MOCOS: variants seen among roughly 807,000 people sequenced by gnomAD.
The protein encoded by MOCOS is molybdenum cofactor sulfurase, also known as human molybdenum cofactor sulfurase.
A neutral mutation model predicts 83.6 loss-of-function variants in MOCOS; 86 were observed. That is an observed-to-expected ratio of 1.03 (90% CI 0.86 to 1.23). The LOEUF is 1.23. Ranked by LOEUF, MOCOS falls within the 50% of genes most tolerant of loss-of-function variation. The pLI is 0.00. For synonymous variants in MOCOS, 445 were observed against 434.7 expected, an observed-to-expected ratio of 1.02 and a Z score of -0.29; for missense variants, 1,120 against 1,126.9, an observed-to-expected ratio of 0.99 and a Z score of 0.09.
At chr18:36,201,059 A>T (rs1455725175) in intron 4 of MOCOS, among the ~76,000 whole-genome samples, 1 of 152,196 alleles carries the variant, frequency 6.6e-6, no homozygotes, top group Admixed American at 6.5e-5. Flanking sequence ...GAGTGTGTCA[A>T]GGCTGAAAAT....
At chr18:36,198,366 G>A (rs1387320830) in intron 2 of MOCOS, among the ~76,000 whole-genome samples, 1 of 152,184 alleles carries the variant, frequency 6.6e-6, no homozygotes, top group Non-Finnish European at 1.5e-5. Context: ...TCCATCCTGG[G>A]TGATGGAGCA....
intron 6 of MOCOS, among the ~76,000 whole-genome samples, chr18:36,209,170 C>T (rs1033919894): frequency 2.0e-5 from 3 of 151,040 alleles, no homozygotes; most frequent in East Asian, 1.9e-4. Context: ...TTAACTTTCT[C>T]TTCTTCTTTT....
At chr18:36,241,700 T>C (rs1225858193) in intron 9 of MOCOS, among the ~76,000 whole-genome samples, 2 of 152,228 alleles carry the variant, frequency 1.3e-5, no homozygotes, top group African/African-American at 4.8e-5. Flanking sequence ...GCATGAGGGA[T>C]CCACCCCTGT....
At chr18:36,241,905 C>T (rs931655196) in intron 9 of MOCOS, among the ~76,000 whole-genome samples, 6 of 152,206 alleles carry the variant, frequency 3.9e-5, no homozygotes, top group African/African-American at 7.2e-5. Context: ...AGCTGGATTG[C>T]GAGTGGCCAG....
At chr18:36,192,119 T>G (rs767427115) in intron 1 of MOCOS, among the ~76,000 whole-genome samples, 1 of 152,200 alleles carries the variant, frequency 6.6e-6, no homozygotes, top group Non-Finnish European at 1.5e-5. Context: ...CCAGGGCAAT[T>G]AGGCAAGAAA....
chr18:36,269,199 C>A lies in MOCOS; in HGVS notation c.*514C>A. 1 of 160,798 alleles carries A rather than the reference C, an allele frequency of 6.2e-6. No individual in the cohort carries two copies. The highest frequency in any genetic ancestry group is 1.7e-4 in the South Asian group (1 of 5,758). 10.0% of individuals were successfully genotyped at this position (160,798 alleles called of 1,614,324 possible). On this transcript the variant is annotated 3_prime_UTR_variant, in exon 15 of 15. Transcript: ENST00000261326. ...AGGGGCCCAGAGGGTAACTTGTGACCACATTCCTTGAGGGGAGTTTCTACC... is the reference window on the plus strand; with the variant it reads ...AGGGGCCCAGAGGGTAACTTGTGACAACATTCCTTGAGGGGAGTTTCTACC...
At chr18:36,188,606 C>T (rs944040428) in intron 1 of MOCOS, among the ~76,000 whole-genome samples, 9 of 152,200 alleles carry the variant, frequency 5.9e-5, no homozygotes, top group African/African-American at 1.4e-4. Context: ...AGTGTATCTG[C>T]TCTGTCGCGA....
chr18:36,266,643 C>A, intron 13 of MOCOS, 106 bp from the exon 14 acceptor site: 2 of 923,336 alleles, frequency 2.2e-6, no homozygotes, highest in Non-Finnish European at 1.7e-6. Flanking sequence ...CACGTTCTGG[C>A]TCTCCATAGT....
chr18:36,265,025 CT>C (rs879674090), intron 13 of MOCOS, among the ~76,000 whole-genome samples: 1 of 152,130 alleles, frequency 6.6e-6, no homozygotes, highest in Non-Finnish European at 1.5e-5. Flanking sequence ...TAAGGGAAAG[CT>C]TTTATTGGCA....
intron 14 of MOCOS, among the ~76,000 whole-genome samples, chr18:36,267,252 C>T (rs919238691): frequency 5.3e-5 from 8 of 152,060 alleles, no homozygotes; most frequent in African/African-American, 1.9e-4. Context: ...ATTCATTAAG[C>T]CTGGAAATTC....
chr18:36,190,792 G>A (rs2091362023), intron 1 of MOCOS, among the ~76,000 whole-genome samples: 1 of 151,592 alleles, frequency 6.6e-6, no homozygotes, highest in African/African-American at 2.4e-5. Flanking sequence ...ACTTTCTTTG[G>A]CCAGGTGCAG....
intron 9 of MOCOS, among the ~76,000 whole-genome samples, chr18:36,228,459 AG>A (rs1403486163): frequency 1.3e-5 from 2 of 152,252 alleles, no homozygotes; most frequent in African/African-American, 4.8e-5. Flanking sequence ...GACTGGATAA[AG>A]AAAATGTGGT....
At chr18:36,214,560 C>G (rs1475298546) in intron 7 of MOCOS, among the ~76,000 whole-genome samples, 1 of 152,012 alleles carries the variant, frequency 6.6e-6, no homozygotes, top group African/African-American at 2.4e-5. Flanking sequence ...CAGGGTATAG[C>G]CTGTTTTGAA....
At chr18:36,196,978 C>A (rs2091390771) in intron 2 of MOCOS, among the ~76,000 whole-genome samples, 1 of 152,096 alleles carries the variant, frequency 6.6e-6, no homozygotes, top group South Asian at 2.1e-4. Flanking sequence ...TCTTATAGGT[C>A]AGGCCCTACC....
chr18:36,211,791 G>A (rs967160619), intron 6 of MOCOS, among the ~76,000 whole-genome samples: 1 of 151,412 alleles, frequency 6.6e-6, no homozygotes, highest in Admixed American at 6.6e-5. Flanking sequence ...CTCCATGGAG[G>A]GCTGGGGATC....
chr18:36,241,976 A>G (rs1289943801), intron 9 of MOCOS, among the ~76,000 whole-genome samples: 2 of 152,198 alleles, frequency 1.3e-5, no homozygotes, highest in African/African-American at 2.4e-5. Context: ...CTGACCCGCG[A>G]AGCCATTTTT....
intron 9 of MOCOS, among the ~76,000 whole-genome samples, chr18:36,221,559 T>G (rs1283489415): frequency 6.6e-6 from 1 of 152,186 alleles, no homozygotes; most frequent in African/African-American, 2.4e-5. Flanking sequence ...TTTTGTGATA[T>G]ATAACATTTC....
chr18:36,256,940 C>A, intron 11 of MOCOS, 28 bp from the exon 12 acceptor site: 1 of 1,574,702 alleles, frequency 6.4e-7, no homozygotes, highest in South Asian at 1.1e-5. Context: ...GAAAGCAACT[C>A]TTCTTTTAAA....
intron 13 of MOCOS, among the ~76,000 whole-genome samples, chr18:36,262,250 T>TACACACACACACACACACAC (rs71168212): frequency 0.16 from 20,569 of 127,700 alleles, 2,137 homozygotes; most frequent in Middle Eastern, 0.22. Flanking sequence ...CGTCTCTCTC[T>TACACACACACACACACACAC]ACACACACAC....
Sources: allele counts gnomAD v4.1 joint callset (sites outside exome capture counted in the v4.1 genomes callset), GRCh38; gene constraint gnomAD v4.1.1; transcripts MANE v1.5; gene names NCBI Gene and HGNC (gene_info 2026-07-23, HGNC 2026-07-21).